COX16: variants seen among roughly 807,000 people sequenced by gnomAD.
COX16 encodes cytochrome c oxidase assembly protein COX16 homolog, mitochondrial.
Under a neutral mutation model 15.4 loss-of-function variants are expected in COX16, and 12 were observed. That is an observed-to-expected ratio of 0.78 (90% CI 0.50 to 1.26). The LOEUF (loss-of-function observed/expected upper bound fraction) is 1.26. Ranked by LOEUF, COX16 falls within the 50% of genes most tolerant of loss-of-function variation. The pLI, the probability that COX16 is intolerant of heterozygous loss-of-function variation, is 0.00. For missense variants in COX16, 124 were observed against 127.6 expected (o/e 0.97, Z 0.14); for synonymous variants, 46 against 41.1 (o/e 1.12, Z -0.46).
At chr14:70,333,045 G>C (rs1311969581) in intron 2 of COX16, among the ~76,000 whole-genome samples, 1 of 152,192 alleles carries the variant, frequency 6.6e-6, no homozygotes, top group Non-Finnish European at 1.5e-5. Context: ...GTGGACACAG[G>C]CTCAGGGAAG....
intron 1 of COX16, chr14:70,359,168 T>C: frequency 2.1e-6 from 1 of 470,924 alleles, no homozygotes; most frequent in Admixed American, 2.3e-5. Flanking sequence ...TCATCCAAAC[T>C]TGGCTTAAAG....
chr14:70,353,513 T>C (rs1268105006), intron 1 of COX16, among the ~76,000 whole-genome samples: 2 of 142,280 alleles, frequency 1.4e-5, no homozygotes, highest in East Asian at 4.0e-4. Flanking sequence ...TAGATAGATA[T>C]ACACATATTT....
At chr14:70,331,332 T>G (rs1886282523) in intron 2 of COX16, among the ~76,000 whole-genome samples, 2 of 151,608 alleles carry the variant, frequency 1.3e-5, no homozygotes, top group South Asian at 4.2e-4. Context: ...AGAAAATTTG[T>G]TTATCAAAAG....
rs80319867 is a variant in COX16 at position 70,337,747 on chromosome 14, C to G, written c.141+4911G>C. Among the ~76,000 whole-genome samples the G allele has an allele frequency of 2.3e-3, 351 of 152,060 alleles. 1 individual carries two copies. The highest frequency in any genetic ancestry group is 7.9e-3 in the African/African-American group (328 of 41,468). On this transcript the variant is annotated intron_variant, in intron 2 of 3. Coordinates refer to ENST00000389912, the MANE Select transcript of COX16 (RefSeq NM_016468.7). ...TGGCATCATAGAAGATTTCTCCAGA[C>G]TACTAGAATGTGTAATAAAGAATTA...
chr14:70,348,671 C>A (rs1886854365), intron 1 of COX16, among the ~76,000 whole-genome samples: 2 of 152,138 alleles, frequency 1.3e-5, no homozygotes, highest in South Asian at 2.1e-4. Context: ...AGTAACCAGA[C>A]AACAAATTAA....
At chr14:70,354,649 T>G (rs1386373844) in intron 1 of COX16, among the ~76,000 whole-genome samples, 1 of 151,964 alleles carries the variant, frequency 6.6e-6, no homozygotes, top group Non-Finnish European at 1.5e-5. Flanking sequence ...GACATATGAG[T>G]CTCTTTTTTT....
At position 70,326,597 on chromosome 14, in the gene COX16, T is replaced by C. The variant is rs536520299; in HGVS notation, c.205-148A>G. 156 of 504,216 alleles carry C rather than the reference T, an allele frequency of 3.1e-4. 1 individual carries two copies. Among genetic ancestry groups the C allele is most frequent in the African/African-American group, 2.9e-3 (146 of 50,014 alleles). The allele number at this position is 504,216 out of a possible 1,614,324, so 31.2% of individuals were successfully genotyped here. On this transcript the variant is annotated intron_variant, in intron 3 of 3. Transcript: ENST00000389912. ...GTAGCAAATAAATCAACTACAATCA[T>C]TGATGAAATGTCATCTTAAGATTTA...
At chr14:70,335,909 A>C (rs1886438696) in intron 2 of COX16, among the ~76,000 whole-genome samples, 1 of 152,200 alleles carries the variant, frequency 6.6e-6, no homozygotes, top group Non-Finnish European at 1.5e-5. Context: ...AAAATTAATC[A>C]AAGGTTTTGG....
In COX16 at chr14:70,342,729, A is replaced by G. The variant is rs142141836; in HGVS notation, c.70T>C (p.Leu24=). ...KTLGYGVPML[L]LIVGGSFGLR... is the part of the protein sequence containing the mutation. The stretch of plus-strand genomic sequence containing the variant: ...CCAAAAGAACCTCCAACAATCAGCA[A>G]CTAAAACAAAGAAAGGAAACATTTA... The change falls in exon 2 of 4, where the codon TTG becomes CTG. Residue 24 remains leucine, a splice_region_variant and synonymous_variant. Transcript: ENST00000389912. The G allele has an allele frequency of 1.5e-4, 249 of 1,612,166 alleles. No individual in the cohort carries two copies. Among genetic ancestry groups the G allele is most frequent in the Non-Finnish European group, 2.0e-4 (238 of 1,179,522 alleles).
At chr14:70,351,118 G>A (rs1886940010) in intron 1 of COX16, among the ~76,000 whole-genome samples, 1 of 152,136 alleles carries the variant, frequency 6.6e-6, no homozygotes, top group Non-Finnish European at 1.5e-5. Flanking sequence ...CCTCATTAGG[G>A]TAGTATTTTG....
chr14:70,331,966 C>T (rs552091881), intron 2 of COX16, among the ~76,000 whole-genome samples: 3 of 152,122 alleles, frequency 2.0e-5, no homozygotes, highest in Non-Finnish European at 2.9e-5. Context: ...GAGCCAAAGA[C>T]CTAGGAAGGT....
chr14:70,337,054 A>G (rs753117354), intron 2 of COX16, among the ~76,000 whole-genome samples: 10 of 152,204 alleles, frequency 6.6e-5, no homozygotes, highest in Non-Finnish European at 1.5e-4. Context: ...GGATAAGAAC[A>G]AAGGTTTGAA....
chr14:70,349,178 A>G (rs1160131713), intron 1 of COX16, among the ~76,000 whole-genome samples: 1 of 152,030 alleles, frequency 6.6e-6, no homozygotes, highest in African/African-American at 2.4e-5. Flanking sequence ...CTTTCCAGCT[A>G]TGTTCAAGAT....
chr14:70,359,223 G>C (rs1887221686), intron 1 of COX16: 2 of 523,466 alleles, frequency 3.8e-6, no homozygotes, highest in South Asian at 3.1e-5. Flanking sequence ...ACTTAACTGT[G>C]AATCAAGGGT....
chr14:70,340,482 C>T (rs1463458820), intron 2 of COX16, among the ~76,000 whole-genome samples: 1 of 152,164 alleles, frequency 6.6e-6, no homozygotes, highest in East Asian at 1.9e-4. Flanking sequence ...TAGATTTATT[C>T]ATATTTTTGT....
intron 1 of COX16, among the ~76,000 whole-genome samples, chr14:70,353,431 T>C (rs1887026998): frequency 6.8e-6 from 1 of 147,174 alleles, no homozygotes; most frequent in Non-Finnish European, 1.5e-5. Flanking sequence ...TACACACACA[T>C]ATACACACAT....
intron 3 of COX16, among the ~76,000 whole-genome samples, chr14:70,326,685 A>G (rs1363640024): frequency 6.6e-6 from 1 of 152,212 alleles, no homozygotes; most frequent in Non-Finnish European, 1.5e-5. Flanking sequence ...TAAAACTATT[A>G]AAATAGAGAA....
Position 70,359,642 on chromosome 14 carries a change from A to T in COX16, c.-55T>A. 2 of 1,504,786 alleles carry T rather than the reference A, an allele frequency of 1.3e-6. No individual in the cohort carries two copies. The highest frequency in any genetic ancestry group is 1.8e-6 in the Non-Finnish European group (2 of 1,081,184). The allele number at this position is 1,504,786 out of a possible 1,614,324, so 93.2% of individuals were successfully genotyped here. On this transcript the variant is annotated 5_prime_UTR_variant, in exon 1 of 4. In the 5' UTR this introduces an upstream ATG that the reference lacks. Transcript: ENST00000389912. ...CAAGCGGGCCTAGCGCAGACTCCCA[A>T]ATCTCAGCAGCTCACGCTCTCACCA...
At chr14:70,340,655 C>G (rs1886597412) in intron 2 of COX16, among the ~76,000 whole-genome samples, 1 of 152,146 alleles carries the variant, frequency 6.6e-6, no homozygotes, top group Admixed American at 6.5e-5. Context: ...TACTTCCAAC[C>G]TAAACAATAT....
Sources: allele counts gnomAD v4.1 joint callset (sites outside exome capture counted in the v4.1 genomes callset), GRCh38; gene constraint gnomAD v4.1.1; transcripts MANE v1.5; gene names NCBI Gene and HGNC (gene_info 2026-07-23, HGNC 2026-07-21).